The following L3MBTL4 variants were observed in gnomAD, a reference collection of about 807,000 sequenced individuals.
L3MBTL4 encodes lethal(3)malignant brain tumor-like protein 4.
L3MBTL4 carries 70 observed loss-of-function variants against 84.5 expected under a neutral mutation model. That is an observed-to-expected ratio of 0.83 (90% CI 0.68 to 1.01). The LOEUF (loss-of-function observed/expected upper bound fraction) is 1.01, where lower values mean the gene tolerates loss of function less well. L3MBTL4 is among the 50% of genes least tolerant of loss of function. The probability of loss-of-function intolerance (pLI) is 0.00; values close to 1 mark genes in which losing one functional copy is unlikely to be tolerated. For synonymous variants in L3MBTL4, 274 were observed against 259.8 expected (o/e 1.05, Z -0.52); for missense variants, 715 against 754.8 (o/e 0.95, Z 0.62).
intron 5 of L3MBTL4, among the ~76,000 whole-genome samples, chr18:6,262,893 G>A (rs181685188): frequency 2.0e-5 from 3 of 152,160 alleles, no homozygotes; most frequent in Admixed American, 2.0e-4. Flanking sequence ...ACAAATGCTG[G>A]CCCTTTCACA....
chr18:6,164,647 A>C (rs111527554), intron 13 of L3MBTL4, among the ~76,000 whole-genome samples: 11,058 of 152,146 alleles, frequency 0.073, 1,360 homozygotes, highest in African/African-American at 0.25. Flanking sequence ...AACTAACAAA[A>C]AGAAAGGACA....
At chr18:6,299,370 C>A (rs927952913) in intron 4 of L3MBTL4, among the ~76,000 whole-genome samples, 15 of 152,060 alleles carry the variant, frequency 9.9e-5, no homozygotes, top group African/African-American at 3.6e-4. Flanking sequence ...TTTTCTCTGC[C>A]TTTGTGTTAA....
chr18:6,050,767 G>A (rs537191014), intron 16 of L3MBTL4, among the ~76,000 whole-genome samples: 1 of 152,266 alleles, frequency 6.6e-6, no homozygotes, highest in South Asian at 2.1e-4. Context: ...TGGAGAGAGG[G>A]AGACAAAGCT....
chr18:6,177,077 A>G lies in L3MBTL4; in HGVS notation c.982-5135T>C, dbSNP rs150969728. ...GCACAACCACTTTCAATAATGTTAT[A>G]CTACTTTTTAAAGAAGCTTAAACCG... On this transcript the variant is annotated intron_variant, in intron 12 of 18. Coordinates refer to ENST00000317931, the MANE Select transcript of L3MBTL4 (RefSeq NM_001330559.2). Among the ~76,000 whole-genome samples, 911 of 152,316 alleles carry G rather than the reference A, an allele frequency of 6.0e-3. 7 individuals carry two copies. Among genetic ancestry groups the G allele is most frequent in the Non-Finnish European group, 8.4e-3 (572 of 68,032 alleles).
intron 16 of L3MBTL4, among the ~76,000 whole-genome samples, chr18:6,019,879 A>G (rs2055172828): frequency 6.6e-6 from 1 of 152,204 alleles, no homozygotes; most frequent in Non-Finnish European, 1.5e-5. Context: ...TGATGTGATA[A>G]TTATTCATGT....
At chr18:6,284,793 G>A (rs1042449691) in intron 4 of L3MBTL4, among the ~76,000 whole-genome samples, 1 of 152,232 alleles carries the variant, frequency 6.6e-6, no homozygotes, top group Non-Finnish European at 1.5e-5. Context: ...GACATGGGTG[G>A]AGGCAGCTAG....
At chr18:6,090,731 C>A (rs2143586758) in intron 15 of L3MBTL4, among the ~76,000 whole-genome samples, 1 of 150,742 alleles carries the variant, frequency 6.6e-6, no homozygotes, top group Non-Finnish European at 1.5e-5. Flanking sequence ...CTCAAGTGAT[C>A]CTCCCACCTC....
intron 16 of L3MBTL4, among the ~76,000 whole-genome samples, chr18:6,041,793 T>C (rs1045097616): frequency 6.6e-6 from 1 of 152,130 alleles, no homozygotes; most frequent in Non-Finnish European, 1.5e-5. Flanking sequence ...GGCACAACTG[T>C]GGCTTACTAC....
chr18:6,120,396 G>A (rs1011226528), intron 14 of L3MBTL4, among the ~76,000 whole-genome samples: 9 of 152,180 alleles, frequency 5.9e-5, no homozygotes, highest in Admixed American at 5.2e-4. Flanking sequence ...ATATCAGACT[G>A]TTGCCTGTGT....
At chr18:6,177,886 C>G (rs1182055159) in intron 12 of L3MBTL4, among the ~76,000 whole-genome samples, 1 of 152,172 alleles carries the variant, frequency 6.6e-6, no homozygotes, top group Non-Finnish European at 1.5e-5. Context: ...AAATAAATTT[C>G]CCAAGCTTCA....
At chr18:6,245,588 C>CT (rs776011254) in intron 5 of L3MBTL4, among the ~76,000 whole-genome samples, 2,428 of 137,088 alleles carry the variant, frequency 0.018, 64 homozygotes, top group African/African-American at 0.052. Flanking sequence ...AGGTATTTTC[C>CT]TTTTTTTTTT....
At chr18:6,245,608 G>A (rs1182145779) in intron 5 of L3MBTL4, among the ~76,000 whole-genome samples, 1 of 99,260 alleles carries the variant, frequency 1.0e-5, no homozygotes, top group African/African-American at 3.9e-5. Context: ...TTTTTTTTCT[G>A]AGACAAGGTC....
intron 16 of L3MBTL4, among the ~76,000 whole-genome samples, chr18:5,987,182 C>T (rs2053499084): frequency 1.3e-5 from 2 of 152,298 alleles, no homozygotes; most frequent in East Asian, 1.9e-4. Flanking sequence ...GGGTCTGATG[C>T]CCCCATTTTG....
intron 16 of L3MBTL4, among the ~76,000 whole-genome samples, chr18:5,984,793 T>C (rs1229202575): frequency 6.6e-6 from 1 of 152,244 alleles, no homozygotes; most frequent in Non-Finnish European, 1.5e-5. Flanking sequence ...TTTTGGACCT[T>C]GGCTTTCTTA....
At chr18:6,242,636 G>A (rs1230010921) in intron 7 of L3MBTL4, among the ~76,000 whole-genome samples, 2 of 152,176 alleles carry the variant, frequency 1.3e-5, no homozygotes, top group Non-Finnish European at 2.9e-5. Context: ...ACTGACTCCA[G>A]AAGTTGCCAC....
intron 1 of L3MBTL4, among the ~76,000 whole-genome samples, chr18:6,391,752 A>AACTGCTACTACTACTACTACT (rs1555755522): frequency 6.7e-6 from 1 of 150,006 alleles, no homozygotes; most frequent in African/African-American, 2.5e-5. Context: ...CAACAACAAC[A>AACTGCTACTACTACTACTACT]ACTACTACTA....
intron 10 of L3MBTL4, among the ~76,000 whole-genome samples, chr18:6,218,438 T>C (rs1203496482): frequency 6.6e-6 from 1 of 152,152 alleles, no homozygotes; most frequent in Non-Finnish European, 1.5e-5. Flanking sequence ...GTACATATGG[T>C]TGGATAGAGC....
chr18:5,969,141 C>CG (rs1203405932), intron 17 of L3MBTL4, among the ~76,000 whole-genome samples: 2 of 152,086 alleles, frequency 1.3e-5, no homozygotes, highest in African/African-American at 2.4e-5. Context: ...CTCTGGGCCT[C>CG]GGGGGGCACT....
intron 14 of L3MBTL4, among the ~76,000 whole-genome samples, chr18:6,127,663 T>C (rs777814991): frequency 3.3e-5 from 5 of 152,158 alleles, no homozygotes; most frequent in Non-Finnish European, 5.9e-5. Flanking sequence ...GAACACATTT[T>C]TGAAGATAGA....
Sources: gnomAD v4.1 joint callset for allele counts (sites outside exome capture counted in the v4.1 genomes callset) on GRCh38, gnomAD v4.1.1 for gene constraint, MANE v1.5 for transcripts, NCBI Gene and HGNC (gene_info 2026-07-23, HGNC 2026-07-21) for gene names.